The following TBCK variants were observed in gnomAD, a reference collection of about 807,000 sequenced individuals.
TBCK encodes TBC1 domain containing kinase.
TBCK carries 99 observed loss-of-function variants against 113.4 expected under a neutral mutation model. That is an observed-to-expected ratio of 0.87 (90% CI 0.74 to 1.03). The LOEUF is 1.03. TBCK is among the 50% of genes least tolerant of loss of function. The pLI is 0.00. For synonymous variants in TBCK, 369 were observed against 370.8 expected (o/e 1.00, Z 0.05); for missense variants, 1,045 against 1,061.3 (o/e 0.98, Z 0.21).
chr4:106,218,074 A>G (rs1757191411), intron 19 of TBCK, among the ~76,000 whole-genome samples: 1 of 146,396 alleles, frequency 6.8e-6, no homozygotes, highest in Non-Finnish European at 1.5e-5. Context: ...GCATATCTAC[A>G]ACTATCTGAT....
chr4:106,275,023 T>C (rs1366415272), intron 3 of TBCK, among the ~76,000 whole-genome samples: 2 of 152,018 alleles, frequency 1.3e-5, no homozygotes, highest in Non-Finnish European at 2.9e-5. Flanking sequence ...TCCCAGCTAC[T>C]TGGGAGGGTG....
rs1006722032 is a variant in TBCK at position 106,204,719 on chromosome 4, T to C, written c.1860+8031A>G. On this transcript the variant is annotated intron_variant, in intron 20 of 25. Transcript: ENST00000394708. ...TTGATGGTTTCTGCAAGAAATACTA[T>C]GTTTATTTGAAAGAATGACAGACAA... is the stretch of plus-strand genomic sequence containing the variant. 5.8e-4 allele frequency among the ~76,000 whole-genome samples: 88 copies of C among 151,782 alleles called. 3 individuals are homozygous for C. Among genetic ancestry groups the C allele is most frequent in the Admixed American group, 1.7e-3 (26 of 15,246 alleles).
chr4:106,091,169 A>G (rs776060497), intron 25 of TBCK, among the ~76,000 whole-genome samples: 8 of 152,230 alleles, frequency 5.3e-5, no homozygotes, highest in Non-Finnish European at 7.3e-5. Flanking sequence ...GCTGACATCT[A>G]TCTCTGATGA....
At chr4:106,120,022 G>A (rs1468299122) in intron 23 of TBCK, among the ~76,000 whole-genome samples, 1 of 152,178 alleles carries the variant, frequency 6.6e-6, no homozygotes, top group African/African-American at 2.4e-5. Context: ...CGACGCAGAA[G>A]ATGGGTGATT....
chr4:106,209,891 A>G (rs939658682), intron 20 of TBCK, among the ~76,000 whole-genome samples: 6 of 151,952 alleles, frequency 3.9e-5, no homozygotes, highest in African/African-American at 1.4e-4. Context: ...TAAGCCATTT[A>G]ATTAGCTTAC....
rs969904732 is a variant in TBCK, at chr4:106,230,355, T to C, written c.1774+8A>G. ...CTCTGTAGAAAGACATGGAAGACATTTGCTTACCTTGTATTACATGTGAGT... is the reference window on the plus strand; with the variant it reads ...CTCTGTAGAAAGACATGGAAGACATCTGCTTACCTTGTATTACATGTGAGT... On this transcript the variant is annotated splice_region_variant and intron_variant, in intron 19 of 25. Transcript: ENST00000394708. 8 of 1,542,354 alleles carry C rather than the reference T, an allele frequency of 5.2e-6. No homozygotes were observed. The highest frequency in any genetic ancestry group is 6.2e-6 in the Non-Finnish European group (7 of 1,124,958).
chr4:106,303,636 A>G (rs947401291), intron 2 of TBCK, among the ~76,000 whole-genome samples: 6 of 152,142 alleles, frequency 3.9e-5, no homozygotes, highest in Non-Finnish European at 7.3e-5. Context: ...CTCAGCCATG[A>G]TAGGACTTAG....
chr4:106,045,481 A>G lies in TBCK; in HGVS notation c.*1089T>C, dbSNP rs1226619626. 2 of 152,166 alleles carry G rather than the reference A, an allele frequency of 1.3e-5. No individual in the cohort carries two copies. Among genetic ancestry groups the G allele is most frequent in the African/African-American group, 2.4e-5 (1 of 41,444 alleles). The allele number at this position is 152,166 out of a possible 1,614,324, so 9.4% of individuals were successfully genotyped here. On this transcript the variant is annotated 3_prime_UTR_variant, in exon 26 of 26. Coordinates refer to ENST00000394708, the MANE Select transcript of TBCK (RefSeq NM_001163435.3). ...AATATGTACTCTCTTCTTCCCACACAGTAATAAGAATGTTTTTAGCTGGGG... is the reference window on the plus strand; with the variant it reads ...AATATGTACTCTCTTCTTCCCACACGGTAATAAGAATGTTTTTAGCTGGGG...
intron 20 of TBCK, among the ~76,000 whole-genome samples, chr4:106,203,507 A>G (rs1359539609): frequency 6.6e-6 from 1 of 151,852 alleles, no homozygotes. Context: ...ACCAAAGATT[A>G]TATTAGTTAT....
At chr4:106,048,925 T>G (rs1238447318) in intron 25 of TBCK, among the ~76,000 whole-genome samples, 1 of 151,750 alleles carries the variant, frequency 6.6e-6, no homozygotes, top group African/African-American at 2.4e-5. Context: ...GTGTGGGAGG[T>G]CTAAGAAGAA....
intron 23 of TBCK, among the ~76,000 whole-genome samples, chr4:106,148,065 A>C (rs1469371236): frequency 6.6e-6 from 1 of 152,194 alleles, no homozygotes; most frequent in African/African-American, 2.4e-5. Context: ...TATTAGCAAG[A>C]GGAAATTCCC....
At chr4:106,076,683 CA>C (rs988585744) in intron 25 of TBCK, among the ~76,000 whole-genome samples, 2 of 152,110 alleles carry the variant, frequency 1.3e-5, no homozygotes, top group Non-Finnish European at 2.9e-5. Context: ...AGAAACTTTA[CA>C]AGCCAGAAGA....
Position 106,074,737 on chromosome 4 carries a change from A to G in TBCK, c.2571+20745T>C, listed in dbSNP as rs146630251. 3.9e-3 allele frequency among the ~76,000 whole-genome samples: 599 copies of G among 152,340 alleles called. 2 individuals carry two copies. The highest frequency in any genetic ancestry group is 0.014 in the African/African-American group (573 of 41,566). On this transcript the variant is annotated intron_variant, in intron 25 of 25. Transcript: ENST00000394708. Reference sequence around the variant, plus strand: ...TACAGGTGCTATATAAGAGAATCATAAGAGATAGTGCAGTTACCTGGGGCT... The same window carrying G: ...TACAGGTGCTATATAAGAGAATCATGAGAGATAGTGCAGTTACCTGGGGCT...
At position 106,258,287 on chromosome 4, in the gene TBCK, C is replaced by T. The variant is rs183534490; in HGVS notation, c.455+2150G>A. Among the ~76,000 whole-genome samples the T allele has an allele frequency of 2.0e-5, 3 of 152,084 alleles. No individual in the cohort carries two copies. The East Asian group carries it at 5.8e-4, about 29-fold the overall frequency. On this transcript the variant is annotated intron_variant, in intron 5 of 25. Coordinates refer to ENST00000394708, the MANE Select transcript of TBCK (RefSeq NM_001163435.3). ...TTTTAATAAGGTATTAAGCTACTGG[C>T]CAACTGAAATGAATGCCCAATTTCC...
intron 25 of TBCK, among the ~76,000 whole-genome samples, chr4:106,051,781 CTT>C (rs1352677541): frequency 6.6e-6 from 1 of 151,714 alleles, no homozygotes; most frequent in Non-Finnish European, 1.5e-5. Context: ...ACAGTGTGGT[CTT>C]GGAATGAATA....
intron 22 of TBCK, among the ~76,000 whole-genome samples, chr4:106,175,786 C>T (rs1459959844): frequency 3.3e-5 from 5 of 152,128 alleles, no homozygotes; most frequent in African/African-American, 9.7e-5. Context: ...TGATATTGGG[C>T]AACATTACAA....
intron 1 of TBCK, among the ~76,000 whole-genome samples, chr4:106,311,529 G>T (rs1317275738): frequency 2.0e-5 from 3 of 151,856 alleles, no homozygotes; most frequent in Non-Finnish European, 4.4e-5. Flanking sequence ...TATATCTATT[G>T]TAAGAATATA....
chr4:106,062,768 G>A (rs1736191495), intron 25 of TBCK, among the ~76,000 whole-genome samples: 2 of 151,836 alleles, frequency 1.3e-5, no homozygotes, highest in Non-Finnish European at 2.9e-5. Flanking sequence ...TCACAAATGT[G>A]AGTGCCAAAG....
In TBCK at chr4:106,101,608, A is replaced by C. The variant is rs191655491; in HGVS notation, c.2412-5967T>G. Reference sequence around the variant, plus strand: ...ACTGGGTTTATGTGTTTTTCAAAAAACAAATTTAAGCCTGAGGTTGTCTTT... The same window carrying C: ...ACTGGGTTTATGTGTTTTTCAAAAACCAAATTTAAGCCTGAGGTTGTCTTT... On this transcript the variant is annotated intron_variant, in intron 24 of 25. Transcript: ENST00000394708. 1.7e-3 allele frequency among the ~76,000 whole-genome samples: 259 copies of C among 152,336 alleles called. 2 individuals carry two copies. The highest frequency in any genetic ancestry group is 5.9e-3 in the African/African-American group (245 of 41,586).
Sources: allele counts gnomAD v4.1 joint callset (sites outside exome capture counted in the v4.1 genomes callset), GRCh38; gene constraint gnomAD v4.1.1; transcripts MANE v1.5; gene names NCBI Gene and HGNC (gene_info 2026-07-23, HGNC 2026-07-21).